Variants in GRIN2A observed in about 807,000 individuals in gnomAD.
The protein encoded by GRIN2A is glutamate receptor ionotropic, NMDA 2A.
A neutral mutation model predicts 113.4 loss-of-function variants in GRIN2A; 22 were observed. That is an observed-to-expected ratio of 0.19 (90% CI 0.14 to 0.28). GRIN2A has a LOEUF of 0.28. Ranked by LOEUF, GRIN2A falls within the 10% of genes least tolerant of loss-of-function variation. The pLI, the probability that GRIN2A is intolerant of heterozygous loss-of-function variation, is 1.00. For missense variants in GRIN2A, 1,502 were observed against 1,887.0 expected, an observed-to-expected ratio of 0.80 and a Z score of 3.78; for synonymous variants, 827 against 738.4, an observed-to-expected ratio of 1.12 and a Z score of -1.94.
At chr16:10,111,767 A>G in intron 2 of GRIN2A, 1 of 1,497,176 alleles carries the variant, frequency 6.7e-7, no homozygotes, top group Non-Finnish European at 9.3e-7. Context: ...ACTGTGGGTG[A>G]TGTGCTGGAG....
intron 5 of GRIN2A, among the ~76,000 whole-genome samples, chr16:9,841,889 C>G (rs2141348283): frequency 6.6e-6 from 1 of 152,310 alleles, no homozygotes; most frequent in South Asian, 2.1e-4. Context: ...TTTGTACCAG[C>G]CACCTTGCTG....
intron 2 of GRIN2A, among the ~76,000 whole-genome samples, chr16:10,042,738 G>C (rs2047187378): frequency 6.6e-6 from 1 of 152,186 alleles, no homozygotes; most frequent in Non-Finnish European, 1.5e-5. Context: ...GAATCTGCTG[G>C]GGTTGGGATG....
Position 9,763,177 on chromosome 16 carries a change from T to G in GRIN2A, c.4367A>C (p.Lys1456Thr). The G allele has an allele frequency of 6.2e-7, 1 of 1,614,084 alleles. No individual in the cohort carries two copies. The highest frequency in any genetic ancestry group is 8.5e-7 in the Non-Finnish European group (1 of 1,179,910). ...NSCSNRRVYKKMPSIESDV is the reference protein window; with the variant it reads ...NSCSNRRVYKTMPSIESDV ...AACATCAGATTCGATACTAGGCATT[T>G]TCTTGTACACGCGTCTATTGCTGCA... The change falls in exon 13 of 13, where the codon AAA becomes ACA. Residue 1456 changes from lysine (K) to threonine (T), a missense_variant. Physicochemically the swap from Lys to Thr is moderately conservative, Grantham distance 78. Coordinates refer to ENST00000330684, the MANE Select transcript of GRIN2A (RefSeq NM_001134407.3).
chr16:10,089,542 G>GT (rs1382104694), intron 2 of GRIN2A, among the ~76,000 whole-genome samples: 1 of 152,120 alleles, frequency 6.6e-6, no homozygotes, highest in African/African-American at 2.4e-5. Context: ...TAATGATGAG[G>GT]TTGAGGTCTG....
rs571797423 is a variant in GRIN2A, at chr16:10,093,066, C to T, written c.414+86932G>A. Among the ~76,000 whole-genome samples the T allele has an allele frequency of 1.1e-3, 171 of 152,062 alleles. 2 individuals carry two copies. Among genetic ancestry groups the T allele is most frequent in the Non-Finnish European group, 1.7e-3 (116 of 68,004 alleles). On this transcript the variant is annotated intron_variant, in intron 2 of 12. Coordinates refer to ENST00000330684, the MANE Select transcript of GRIN2A (RefSeq NM_001134407.3). Reference sequence around the variant, plus strand: ...TGTTGGCCAGGCTGGCCTCAAACTCCTGGCTCAAGTGATCCACCCGCCTCA... The same window carrying T: ...TGTTGGCCAGGCTGGCCTCAAACTCTTGGCTCAAGTGATCCACCCGCCTCA...
At position 10,166,009 on chromosome 16, in the gene GRIN2A, A is replaced by G. The variant is rs183745154; in HGVS notation, c.414+13989T>C. On this transcript the variant is annotated intron_variant, in intron 2 of 12. Transcript: ENST00000330684. The stretch of plus-strand genomic sequence containing the variant: ...AACTACAGCAAGCCTGCCTTTTTCC[A>G]CAGCTCCACAGCTTCTTCACATCGT... Among the ~76,000 whole-genome samples, 293 of 152,294 alleles carry G rather than the reference A, an allele frequency of 1.9e-3. 3 individuals carry two copies. Among genetic ancestry groups the G allele is most frequent in the Non-Finnish European group, 3.3e-3 (226 of 68,022 alleles).
chr16:9,764,179 C>G lies in GRIN2A; in HGVS notation c.3365G>C (p.Gly1122Ala), dbSNP rs760885908. The change falls in exon 13 of 13, where the codon GGT becomes GCT. Residue 1122 changes from glycine (G) to alanine (A), a missense_variant. Around this residue, in one of 7 missense-constraint regions of GRIN2A, gnomAD observed 832 missense variants for 789.7 expected, o/e 1.05. Transcript: ENST00000330684. Reference protein sequence around the residue: ...SPRDKIYTIDGEKEPGFHLDP... With the variant: ...SPRDKIYTIDAEKEPGFHLDP... Reference sequence around the variant, plus strand: ...TAAGTGGAAACCAGGCTCCTTCTCACCATCTATAGTGTAGATCTTGTCTCT... The same window carrying G: ...TAAGTGGAAACCAGGCTCCTTCTCAGCATCTATAGTGTAGATCTTGTCTCT... 8.1e-6 allele frequency: 13 copies of G among 1,613,600 alleles called. No homozygotes were observed. Among genetic ancestry groups the G allele is most frequent in the Non-Finnish European group, 1.1e-5 (13 of 1,179,746 alleles).
At chr16:10,035,330 C>A (rs955064373) in intron 2 of GRIN2A, among the ~76,000 whole-genome samples, 2 of 152,150 alleles carry the variant, frequency 1.3e-5, no homozygotes, top group Admixed American at 1.3e-4. Context: ...CCCACCCATC[C>A]TCACTGCCCA....
In GRIN2A at chr16:9,870,090, T is replaced by C. The variant is rs983537819; in HGVS notation, c.1123-20129A>G. Among the ~76,000 whole-genome samples, 12 of 152,214 alleles carry C rather than the reference T, an allele frequency of 7.9e-5. 1 individual carries two copies. The highest frequency in any genetic ancestry group is 2.9e-4 in the African/African-American group (12 of 41,458). On this transcript the variant is annotated intron_variant, in intron 4 of 12. Coordinates refer to ENST00000330684, the MANE Select transcript of GRIN2A (RefSeq NM_001134407.3). Reference sequence around the variant, plus strand: ...TTCACTTACGGCTCTCTATTTTGGATAGAAAAAATATCATCTGTTAATATA... The same window carrying C: ...TTCACTTACGGCTCTCTATTTTGGACAGAAAAAATATCATCTGTTAATATA...
chr16:10,007,820 T>C (rs1167048939), intron 2 of GRIN2A, among the ~76,000 whole-genome samples: 2 of 152,168 alleles, frequency 1.3e-5, no homozygotes, highest in East Asian at 1.9e-4. Flanking sequence ...GAAGAAAATA[T>C]GATTGACTTG....
rs184709303 is a variant in GRIN2A at position 10,117,575 on chromosome 16, C to A, written c.414+62423G>T. Among the ~76,000 whole-genome samples the A allele has an allele frequency of 3.3e-4, 51 of 152,262 alleles. No homozygotes were observed. The East Asian group carries it at 9.9e-3, about 29-fold the overall frequency. ...AAGTTTGAGGTAAAGTCTCATTTCA[C>A]CTCACTGGGTCTTCCTGGACCAGAT... On this transcript the variant is annotated intron_variant, in intron 2 of 12. Transcript: ENST00000330684.
At chr16:9,910,537 C>CTTTTTTTTTTT (rs35352418) in intron 3 of GRIN2A, among the ~76,000 whole-genome samples, 1 of 123,286 alleles carries the variant, frequency 8.1e-6, no homozygotes, top group African/African-American at 3.1e-5. Flanking sequence ...TCTCAGAGTT[C>CTTTTTTTTTTT]TTTTTTTTTT....
At chr16:10,133,960 A>G (rs898124819) in intron 2 of GRIN2A, among the ~76,000 whole-genome samples, 1 of 152,138 alleles carries the variant, frequency 6.6e-6, no homozygotes, top group Admixed American at 6.5e-5. Context: ...AGGTGGTTGG[A>G]ATGCTTGAGC....
At chr16:10,153,587 G>C (rs892200691) in intron 2 of GRIN2A, among the ~76,000 whole-genome samples, 3 of 152,094 alleles carry the variant, frequency 2.0e-5, no homozygotes, top group African/African-American at 4.8e-5. Context: ...CTTGTTTCTT[G>C]TGCTAGAACA....
chr16:9,766,835 C>T (rs1328998193), intron 12 of GRIN2A, among the ~76,000 whole-genome samples: 1 of 152,206 alleles, frequency 6.6e-6, no homozygotes, highest in Non-Finnish European at 1.5e-5. Context: ...GGCCAAAGTT[C>T]AAATTCTAGA....
chr16:9,783,703 C>T (rs529112575), intron 11 of GRIN2A, among the ~76,000 whole-genome samples: 1 of 152,318 alleles, frequency 6.6e-6, no homozygotes, highest in East Asian at 1.9e-4. Context: ...GATTCAATAT[C>T]ATGGACCCCA....
intron 2 of GRIN2A, among the ~76,000 whole-genome samples, chr16:10,035,575 C>A (rs1018376047): frequency 2.4e-4 from 37 of 152,190 alleles, no homozygotes; most frequent in African/African-American, 8.9e-4. Context: ...AGGCCAGGGG[C>A]TTTCAAACTT....
At chr16:9,920,552 T>C (rs1438464564) in intron 3 of GRIN2A, among the ~76,000 whole-genome samples, 1 of 149,970 alleles carries the variant, frequency 6.7e-6, no homozygotes, top group African/African-American at 2.5e-5. Flanking sequence ...CCTCCCTGCA[T>C]ATATGTGAAT....
At chr16:9,919,681 G>A (rs1307416133) in intron 3 of GRIN2A, among the ~76,000 whole-genome samples, 3 of 152,286 alleles carry the variant, frequency 2.0e-5, no homozygotes, top group South Asian at 2.1e-4. Flanking sequence ...TTACTTCCCC[G>A]CTAAAACTCT....
Sources: gnomAD v4.1 joint callset for allele counts (sites outside exome capture counted in the v4.1 genomes callset) on GRCh38, gnomAD v4.1.1 for gene constraint, gnomAD v4.1.1 regional missense constraint, MANE v1.5 for transcripts, NCBI Gene and HGNC (gene_info 2026-07-23, HGNC 2026-07-21) for gene names.